Variants in SLC25A21 observed in about 807,000 individuals in gnomAD.
SLC25A21 encodes the protein solute carrier family 25 member 21.
In SLC25A21, 47 loss-of-function variants were observed where a neutral mutation model predicts 43.8. The ratio of observed to expected loss-of-function variants is 1.07; its 90% CI spans 0.85 to 1.37. SLC25A21 has a LOEUF of 1.37. Among genes scored for constraint, SLC25A21 ranks in the 40% most tolerant of loss-of-function variants. The pLI is 0.00. For missense variants in SLC25A21, 352 were observed against 350.2 expected, an observed-to-expected ratio of 1.00 and a Z score of -0.04; for synonymous variants, 131 against 121.3, an observed-to-expected ratio of 1.08 and a Z score of -0.52.
intron 1 of SLC25A21, among the ~76,000 whole-genome samples, chr14:37,108,113 T>A (rs1479620538): frequency 1.3e-5 from 2 of 152,182 alleles, no homozygotes; most frequent in Non-Finnish European, 2.9e-5. Flanking sequence ...TTTGTTCTCT[T>A]TTTGCCTCCC....
chr14:36,976,472 T>C (rs1206591633), intron 1 of SLC25A21, among the ~76,000 whole-genome samples: 1 of 152,132 alleles, frequency 6.6e-6, no homozygotes, highest in Non-Finnish European at 1.5e-5. Context: ...TTGTTGAGCC[T>C]ACATTTTAGG....
At chr14:37,165,039 T>C (rs142193015) in intron 1 of SLC25A21, among the ~76,000 whole-genome samples, 14 of 152,310 alleles carry the variant, frequency 9.2e-5, no homozygotes, top group African/African-American at 3.4e-4. Flanking sequence ...TGCAGGGAGA[T>C]GCACAAAGTA....
chr14:36,767,860 C>G (rs968959406), intron 3 of SLC25A21, among the ~76,000 whole-genome samples: 1 of 152,124 alleles, frequency 6.6e-6, no homozygotes, highest in African/African-American at 2.4e-5. Context: ...GAGGTAATCA[C>G]AAAACATTGT....
intron 3 of SLC25A21, among the ~76,000 whole-genome samples, chr14:36,794,025 A>G (rs1163616143): frequency 6.6e-6 from 1 of 152,204 alleles, no homozygotes; most frequent in Non-Finnish European, 1.5e-5. Flanking sequence ...TGGAAAGTGA[A>G]TATGAATAAT....
intron 1 of SLC25A21, among the ~76,000 whole-genome samples, chr14:37,005,890 G>C (rs1369673498): frequency 2.6e-5 from 4 of 152,130 alleles, no homozygotes; most frequent in African/African-American, 9.7e-5. Context: ...ATAAAAAATA[G>C]AGCCCATTAT....
intron 2 of SLC25A21, among the ~76,000 whole-genome samples, chr14:36,862,743 G>C (rs1211644484): frequency 6.6e-6 from 1 of 152,098 alleles, no homozygotes; most frequent in African/African-American, 2.4e-5. Flanking sequence ...ATGTATTCCA[G>C]AACTTAAAGT....
chr14:36,842,388 T>C (rs1042819586), intron 2 of SLC25A21, among the ~76,000 whole-genome samples: 4 of 152,130 alleles, frequency 2.6e-5, no homozygotes, highest in African/African-American at 9.7e-5. Context: ...CTGAGAGACA[T>C]GTTCTTTTTG....
chr14:36,687,092 C>T (rs1159751440), intron 7 of SLC25A21, among the ~76,000 whole-genome samples: 1 of 152,178 alleles, frequency 6.6e-6, no homozygotes, highest in Non-Finnish European at 1.5e-5. Context: ...GCTGGGATTA[C>T]AGGCATGTGC....
chr14:36,697,649 C>T (rs1485847844), intron 7 of SLC25A21, among the ~76,000 whole-genome samples: 1 of 151,888 alleles, frequency 6.6e-6, no homozygotes. Context: ...GAATTGATCC[C>T]TTTACCATTA....
intron 3 of SLC25A21, among the ~76,000 whole-genome samples, chr14:36,807,390 C>T (rs905556245): frequency 6.6e-6 from 1 of 152,166 alleles, no homozygotes; most frequent in African/African-American, 2.4e-5. Context: ...GCAGCAACTA[C>T]TGGGCTTCAT....
At chr14:37,064,971 C>T (rs1237581733) in intron 1 of SLC25A21, among the ~76,000 whole-genome samples, 1 of 152,080 alleles carries the variant, frequency 6.6e-6, no homozygotes, top group East Asian at 1.9e-4. Context: ...CCCCAGGATA[C>T]AAAAGTAAAT....
intron 1 of SLC25A21, among the ~76,000 whole-genome samples, chr14:36,972,823 T>G (rs1479341517): frequency 6.6e-6 from 1 of 151,898 alleles, no homozygotes; most frequent in Non-Finnish European, 1.5e-5. Flanking sequence ...TTTGTTTGTT[T>G]GGGTTTTTTG....
At chr14:37,031,214 T>C (rs1000421591) in intron 1 of SLC25A21, among the ~76,000 whole-genome samples, 4 of 152,192 alleles carry the variant, frequency 2.6e-5, no homozygotes, top group African/African-American at 9.7e-5. Flanking sequence ...CACTTAAAAG[T>C]TGAACAGTGT....
At chr14:37,018,808 A>C (rs1444505918) in intron 1 of SLC25A21, among the ~76,000 whole-genome samples, 1 of 151,944 alleles carries the variant, frequency 6.6e-6, no homozygotes, top group Non-Finnish European at 1.5e-5. Context: ...CACCCGCATA[A>C]TTTCAACACA....
At chr14:37,142,837 C>T (rs1390981953) in intron 1 of SLC25A21, among the ~76,000 whole-genome samples, 1 of 152,302 alleles carries the variant, frequency 6.6e-6, no homozygotes, top group East Asian at 1.9e-4. Context: ...AAGAACACTC[C>T]TAGGCAGTGG....
intron 1 of SLC25A21, among the ~76,000 whole-genome samples, chr14:37,050,930 T>A (rs1961689756): frequency 6.6e-6 from 1 of 152,232 alleles, no homozygotes; most frequent in Non-Finnish European, 1.5e-5. Context: ...TGATTTCATT[T>A]CAGACAATAG....
chr14:36,836,530 AC>A (rs1233909670), intron 2 of SLC25A21, among the ~76,000 whole-genome samples: 2 of 152,142 alleles, frequency 1.3e-5, no homozygotes, highest in African/African-American at 4.8e-5. Context: ...CTGTACTTAA[AC>A]GTGTTGATAG....
intron 1 of SLC25A21, among the ~76,000 whole-genome samples, chr14:37,143,298 G>A (rs1008741096): frequency 1.2e-4 from 18 of 152,266 alleles, no homozygotes; most frequent in East Asian, 1.9e-4. Flanking sequence ...CTAAGCACCC[G>A]CCTGCTGGCA....
intron 1 of SLC25A21, among the ~76,000 whole-genome samples, chr14:36,903,106 T>A (rs1891438746): frequency 6.6e-6 from 1 of 152,118 alleles, no homozygotes; most frequent in Non-Finnish European, 1.5e-5. Context: ...TTAAACAGAG[T>A]GTAGAAGTAC....
Sources: allele counts gnomAD v4.1 joint callset (sites outside exome capture counted in the v4.1 genomes callset), GRCh38; gene constraint gnomAD v4.1.1; transcripts MANE v1.5; gene names NCBI Gene and HGNC (gene_info 2026-07-23, HGNC 2026-07-21).